NETO1: variants seen among roughly 807,000 people sequenced by gnomAD.
NETO1 encodes the protein neuropilin and tolloid-like protein 1.
In NETO1, 26 loss-of-function variants were observed where a neutral mutation model predicts 61.3. The ratio of observed to expected loss-of-function variants is 0.42; its 90% CI spans 0.31 to 0.59. NETO1 has a LOEUF of 0.59. Among genes scored for constraint, NETO1 ranks in the 20% least tolerant of loss-of-function variants. The pLI, the probability that NETO1 is intolerant of heterozygous loss-of-function variation, is 0.12. For synonymous variants in NETO1, 225 were observed against 225.8 expected (o/e 1.00, Z 0.03); for missense variants, 531 against 662.8 (o/e 0.80, Z 2.18).
chr18:72,755,183 C>T (rs1025745922), intron 8 of NETO1, among the ~76,000 whole-genome samples: 11 of 152,142 alleles, frequency 7.2e-5, no homozygotes, highest in Non-Finnish European at 1.5e-4. Flanking sequence ...GCAATAAGAT[C>T]ACTTAGTAAA....
intron 3 of NETO1, among the ~76,000 whole-genome samples, chr18:72,861,083 T>C (rs542192623): frequency 2.4e-4 from 37 of 152,340 alleles, no homozygotes; most frequent in Admixed American, 4.6e-4. Flanking sequence ...ACTCACCAAT[T>C]TCCCCTACTA....
At chr18:72,791,092 G>T (rs1380089404) in intron 6 of NETO1, among the ~76,000 whole-genome samples, 1 of 152,070 alleles carries the variant, frequency 6.6e-6, no homozygotes, top group African/African-American at 2.4e-5. Flanking sequence ...CAGTAACAAG[G>T]TTCTTTCTGC....
At chr18:72,823,208 A>T (rs11873166) in intron 4 of NETO1, among the ~76,000 whole-genome samples, 55,192 of 151,918 alleles carry the variant, frequency 0.36, 10,838 homozygotes, top group Middle Eastern at 0.47. Flanking sequence ...TGCAATATTT[A>T]AAAAAAATTG....
rs536473376 is a variant in NETO1, at chr18:72,807,793, T to G, written c.470-13389A>C. 5.9e-4 allele frequency among the ~76,000 whole-genome samples: 89 copies of G among 151,848 alleles called. 1 individual carries two copies. Among genetic ancestry groups the G allele is most frequent in the Admixed American group, 9.8e-4 (15 of 15,230 alleles). On this transcript the variant is annotated intron_variant, in intron 4 of 10. Coordinates refer to ENST00000327305, the MANE Select transcript of NETO1 (RefSeq NM_138966.5). ...AATGCTGGAGTTTGCACATTTGAAT[T>G]AGCTGTCATAGAATAAGTTTTGTTG... is the stretch of plus-strand genomic sequence containing the variant.
chr18:72,846,529 A>AAAAAAAAAAAAAAAAAAAAAT (rs2074092681), intron 4 of NETO1, among the ~76,000 whole-genome samples: 1 of 149,214 alleles, frequency 6.7e-6, no homozygotes, highest in Non-Finnish European at 1.5e-5. Flanking sequence ...AAAAAAAAAA[A>AAAAAAAAAAAAAAAAAAAAAT]AAAAAGAAGA....
At chr18:72,861,771 C>G (rs1359980145) in intron 3 of NETO1, among the ~76,000 whole-genome samples, 1 of 152,170 alleles carries the variant, frequency 6.6e-6, no homozygotes. Context: ...TTTAAATGTA[C>G]CTTTCTCTAC....
chr18:72,807,195 G>A (rs576566890), intron 4 of NETO1, among the ~76,000 whole-genome samples: 9 of 152,140 alleles, frequency 5.9e-5, no homozygotes, highest in South Asian at 4.2e-4. Flanking sequence ...TCTAAGTATG[G>A]GGTTGACAAT....
At chr18:72,822,596 G>A (rs551609027) in intron 4 of NETO1, among the ~76,000 whole-genome samples, 30 of 152,314 alleles carry the variant, frequency 2.0e-4, no homozygotes, top group African/African-American at 6.7e-4. Context: ...AAGCAAAATC[G>A]TGAGCTCAGA....
At chr18:72,767,339 C>CA (rs2071201023) in intron 7 of NETO1, among the ~76,000 whole-genome samples, 1 of 152,142 alleles carries the variant, frequency 6.6e-6, no homozygotes, top group South Asian at 2.1e-4. Flanking sequence ...GTATTATTCC[C>CA]AATGATTCTA....
At chr18:72,749,486 T>C (rs767902977) in intron 9 of NETO1, among the ~76,000 whole-genome samples, 31 of 152,284 alleles carry the variant, frequency 2.0e-4, no homozygotes, top group Non-Finnish European at 4.3e-4. Context: ...TCTTACAACA[T>C]TTAAGTGTAA....
At chr18:72,760,467 T>A (rs1320472859) in intron 7 of NETO1, among the ~76,000 whole-genome samples, 1 of 152,156 alleles carries the variant, frequency 6.6e-6, no homozygotes, top group Non-Finnish European at 1.5e-5. Context: ...CCAGCTGTGA[T>A]TTGGGCTGTC....
At chr18:72,823,564 G>A (rs545289220) in intron 4 of NETO1, among the ~76,000 whole-genome samples, 6 of 152,258 alleles carry the variant, frequency 3.9e-5, no homozygotes, top group Middle Eastern at 3.4e-3. Context: ...GGCCGCGGCC[G>A]TGTGAGAAGA....
intron 4 of NETO1, among the ~76,000 whole-genome samples, chr18:72,823,518 G>C (rs2073275688): frequency 6.6e-6 from 1 of 151,986 alleles, no homozygotes; most frequent in South Asian, 2.1e-4. Flanking sequence ...AGACCTCAAG[G>C]CTCGTTCAAC....
chr18:72,865,073 C>A (rs2074693872), intron 2 of NETO1, 115 bp downstream of exon 2: 1 of 1,384,314 alleles, frequency 7.2e-7, no homozygotes, highest in African/African-American at 1.5e-5. Flanking sequence ...CCAAACCAAT[C>A]AATTATACAT....
chr18:72,808,419 T>TTGTGTGTGTGTGTGTGTGTG, intron 4 of NETO1, among the ~76,000 whole-genome samples: 2 of 141,928 alleles, frequency 1.4e-5, no homozygotes, highest in East Asian at 4.2e-4. Flanking sequence ...CACTGCAGAT[T>TTGTGTGTGTGTGTGTGTGTG]TGTGTGTGTG....
intron 4 of NETO1, among the ~76,000 whole-genome samples, chr18:72,856,953 A>T (rs1266057347): frequency 1.3e-5 from 2 of 152,246 alleles, no homozygotes; most frequent in African/African-American, 4.8e-5. Flanking sequence ...CTAAATTATT[A>T]CTAATCCCTT....
At chr18:72,770,944 C>A (rs1198271163) in intron 7 of NETO1, among the ~76,000 whole-genome samples, 3 of 151,990 alleles carry the variant, frequency 2.0e-5, no homozygotes, top group Non-Finnish European at 4.4e-5. Flanking sequence ...CCATAACTAA[C>A]AAAGTTATTT....
At chr18:72,785,985 T>G (rs1314563736) in intron 6 of NETO1, among the ~76,000 whole-genome samples, 1 of 152,160 alleles carries the variant, frequency 6.6e-6, no homozygotes, top group African/African-American at 2.4e-5. Flanking sequence ...TTCTAATAAA[T>G]TTGTGTTCTC....
rs1171436186 is a variant in NETO1, at chr18:72,865,190, G to C, written c.80C>G (p.Thr27Arg). 6.2e-7 allele frequency: 1 copy of C among 1,612,700 alleles called. No individual in the cohort carries two copies. The highest frequency in any genetic ancestry group is 1.3e-5 in the African/African-American group (1 of 74,852). The stretch of plus-strand genomic sequence containing the variant: ...AGCATTTTTCTAAGTAAACACACCT[G>C]TTCCTTTCTTGGTTGCCCCAGACAA... ...LHLSGATKKGTEKQTTSETQK... is the reference protein window; with the variant it reads ...LHLSGATKKGREKQTTSETQK... Residue 27 changes from threonine to arginine, a missense_variant and splice_region_variant, in exon 2 of 11, where the codon ACA becomes AGA. Transcript: ENST00000327305.
Sources: gnomAD v4.1 joint callset for allele counts (sites outside exome capture counted in the v4.1 genomes callset) on GRCh38, gnomAD v4.1.1 for gene constraint, MANE v1.5 for transcripts, NCBI Gene and HGNC (gene_info 2026-07-23, HGNC 2026-07-21) for gene names.